AXDND1: variants seen among roughly 807,000 people sequenced by gnomAD.
AXDND1 encodes axonemal dynein light chain domain-containing protein 1.
Under a neutral mutation model 137.5 loss-of-function variants are expected in AXDND1, and 110 were observed. The observed-to-expected ratio is 0.80, with a 90% CI of 0.69 to 0.94. AXDND1 has a LOEUF of 0.94. Among genes scored for constraint, AXDND1 ranks in the 40% least tolerant of loss-of-function variants. AXDND1 has a pLI of 0.00. For synonymous variants in AXDND1, 414 were observed against 399.7 expected, an observed-to-expected ratio of 1.04 and a Z score of -0.43; for missense variants, 1,191 against 1,169.8, an observed-to-expected ratio of 1.02 and a Z score of -0.26.
chr1:179,456,452 G>GCCTCCA, intron 16 of AXDND1: 1 of 767,102 alleles, frequency 1.3e-6, no homozygotes, highest in South Asian at 1.3e-5. Context: ...CACCAAAGCT[G>GCCTCCA]CCTCCACCTC....
chr1:179,411,817 A>G (rs760310238), intron 12 of AXDND1, among the ~76,000 whole-genome samples: 42 of 151,154 alleles, frequency 2.8e-4, no homozygotes, highest in Non-Finnish European at 5.0e-4. Flanking sequence ...AGGTGACCAT[A>G]TTTGGATCAC....
chr1:179,409,729 A>C (rs1411918265), intron 11 of AXDND1, among the ~76,000 whole-genome samples: 12 of 152,188 alleles, frequency 7.9e-5, no homozygotes, highest in Non-Finnish European at 2.9e-5. Flanking sequence ...TAAAAATACA[A>C]AAATTAGCCA....
intron 12 of AXDND1, among the ~76,000 whole-genome samples, chr1:179,427,729 C>G (rs1250282990): frequency 6.6e-6 from 1 of 152,140 alleles, no homozygotes. Flanking sequence ...ATAGTTCTTA[C>G]AGTAATCCCT....
At chr1:179,374,067 G>A (rs10913737) in intron 4 of AXDND1, among the ~76,000 whole-genome samples, 17,399 of 151,952 alleles carry the variant, frequency 0.11, 1,150 homozygotes, top group East Asian at 0.35. Flanking sequence ...GAAAATTTTT[G>A]CAATCTACCC....
chr1:179,428,434 A>G (rs111340576), intron 12 of AXDND1, among the ~76,000 whole-genome samples: 2 of 152,222 alleles, frequency 1.3e-5, no homozygotes, highest in Non-Finnish European at 2.9e-5. Flanking sequence ...TCTTTTGTCC[A>G]TGTCTATGTC....
chr1:179,418,472 GTCA>G (rs1051421063), intron 12 of AXDND1, among the ~76,000 whole-genome samples: 1 of 152,162 alleles, frequency 6.6e-6, no homozygotes, highest in Non-Finnish European at 1.5e-5. Flanking sequence ...AACCGCCATT[GTCA>G]TCATGGCCCA....
At chr1:179,385,483 A>T in intron 9 of AXDND1, 124 bp downstream of exon 9, 5 of 1,126,546 alleles carry the variant, frequency 4.4e-6, no homozygotes, top group East Asian at 2.4e-5. Flanking sequence ...AAGTAATCTA[A>T]CTGCATTTTT....
Position 179,366,454 on chromosome 1 carries a change from T to G in AXDND1, c.-56T>G, listed in dbSNP as rs1667413406. 1.4e-6 allele frequency: 2 copies of G among 1,447,712 alleles called. No individual in the cohort carries two copies. The highest frequency in any genetic ancestry group is 1.9e-6 in the Non-Finnish European group (2 of 1,032,304). The allele number at this position is 1,447,712 out of a possible 1,614,324, so 89.7% of individuals were successfully genotyped here. A position where few individuals can be genotyped will look rare whatever the true frequency, so the allele number is the denominator to read the frequency against. ...AGTGCGGCGCTGATTTGTGTCTAAA[T>G]TAGCTTTCCGGAGGACTATTTCAAA... On this transcript the variant is annotated 5_prime_UTR_variant, in exon 2 of 26. Transcript: ENST00000367618.
chr1:179,412,627 C>G (rs960459739), intron 12 of AXDND1, among the ~76,000 whole-genome samples: 1 of 152,044 alleles, frequency 6.6e-6, no homozygotes, highest in Non-Finnish European at 1.5e-5. Context: ...TATTAGAAAT[C>G]TAGATCATTA....
intron 17 of AXDND1, among the ~76,000 whole-genome samples, chr1:179,479,835 T>C (rs1665138879): frequency 6.6e-6 from 1 of 152,194 alleles, no homozygotes; most frequent in African/African-American, 2.4e-5. Flanking sequence ...ATAATCTCTC[T>C]CAAGCTCATA....
chr1:179,464,029 T>C (rs111657149), intron 16 of AXDND1, among the ~76,000 whole-genome samples: 3,585 of 152,288 alleles, frequency 0.024, 125 homozygotes, highest in African/African-American at 0.08. Context: ...ATGAGATTGG[T>C]CTCCTGAATA....
At chr1:179,424,074 A>G (rs960089395) in intron 12 of AXDND1, among the ~76,000 whole-genome samples, 4 of 151,672 alleles carry the variant, frequency 2.6e-5, no homozygotes, top group Admixed American at 6.6e-5. Flanking sequence ...GGGAAAGACT[A>G]TCTCTCCTTC....
At chr1:179,383,334 A>G (rs900538459) in intron 7 of AXDND1, 108 bp from the exon 8 acceptor site, 4 of 771,420 alleles carry the variant, frequency 5.2e-6, no homozygotes, top group Admixed American at 2.4e-5. Context: ...TGCCATTAAT[A>G]TCCCAGAGAG....
At chr1:179,427,624 T>G (rs1656763926) in intron 12 of AXDND1, among the ~76,000 whole-genome samples, 2 of 152,196 alleles carry the variant, frequency 1.3e-5, no homozygotes, top group Non-Finnish European at 2.9e-5. Context: ...TGATTAACAT[T>G]AATAATTACC....
chr1:179,506,931 A>G (rs1668595088), intron 20 of AXDND1: 1 of 983,140 alleles, frequency 1.0e-6, no homozygotes, highest in African/African-American at 1.7e-5. Context: ...TAGCAGGTAA[A>G]TTCAAGCCCC....
At chr1:179,470,142 AT>A (rs759038478) in intron 17 of AXDND1, among the ~76,000 whole-genome samples, 8 of 152,166 alleles carry the variant, frequency 5.3e-5, no homozygotes, top group Non-Finnish European at 1.2e-4. Context: ...TTATTTCTGA[AT>A]GATTAATTCT....
At chr1:179,489,048 A>G (rs1472634399) in intron 18 of AXDND1, among the ~76,000 whole-genome samples, 1 of 148,102 alleles carries the variant, frequency 6.8e-6, no homozygotes, top group Non-Finnish European at 1.5e-5. Flanking sequence ...ATTTCTTAAT[A>G]TCAGCTAAGA....
At position 179,378,929 on chromosome 1, in the gene AXDND1, G is replaced by A. The variant is rs79944188; in HGVS notation, c.495+172G>A. Among the ~76,000 whole-genome samples, 1,316 of 152,108 alleles carry A rather than the reference G, an allele frequency of 8.7e-3. 41 individuals carry two copies. The highest frequency in any genetic ancestry group is 0.056 in the Admixed American group (847 of 15,258). On this transcript the variant is annotated intron_variant, in intron 5 of 25. Transcript: ENST00000367618. ...AAATTACTTCTTAAAATGGGAAAAG[G>A]GTATTTAGCAGGAAAAGATCAAAAT...
At chr1:179,385,471 G>C (rs982413595) in intron 9 of AXDND1, 112 bp downstream of exon 9, 28 of 1,221,312 alleles carry the variant, frequency 2.3e-5, no homozygotes, top group Non-Finnish European at 3.3e-5. Context: ...TCTACTGATC[G>C]TAAGTAATCT....
Sources: allele counts gnomAD v4.1 joint callset (sites outside exome capture counted in the v4.1 genomes callset), GRCh38; gene constraint gnomAD v4.1.1; transcripts MANE v1.5; gene names NCBI Gene and HGNC (gene_info 2026-07-23, HGNC 2026-07-21).